Variants in PLA2G4C observed in about 807,000 individuals in gnomAD.
PLA2G4C encodes cytosolic phospholipase A2 gamma.
Under a neutral mutation model 73.8 loss-of-function variants are expected in PLA2G4C, and 64 were observed. The ratio of observed to expected loss-of-function variants is 0.87; its 90% CI spans 0.71 to 1.07. The LOEUF (loss-of-function observed/expected upper bound fraction) is 1.07, where lower values mean the gene tolerates loss of function less well. PLA2G4C is among the 50% of genes least tolerant of loss of function. The pLI, the probability that PLA2G4C is intolerant of heterozygous loss-of-function variation, is 0.00. For synonymous variants in PLA2G4C, 254 were observed against 252.1 expected (o/e 1.01, Z -0.07); for missense variants, 622 against 665.4 (o/e 0.93, Z 0.72).
chr19:48,047,977 G>A lies in PLA2G4C; in HGVS notation c.*366C>T, dbSNP rs1967585874. On this transcript the variant is annotated 3_prime_UTR_variant, in exon 17 of 17. Coordinates refer to ENST00000599921, the MANE Select transcript of PLA2G4C (RefSeq NM_003706.3). Reference sequence around the variant, plus strand: ...CAGAGCTAACTTGTGCAGAGCTACTGGCTAGAAGTGCAGTCATAAAGGAGC... The same window carrying A: ...CAGAGCTAACTTGTGCAGAGCTACTAGCTAGAAGTGCAGTCATAAAGGAGC... 1 of 267,248 alleles carries A rather than the reference G, an allele frequency of 3.7e-6. No homozygotes were observed. The highest frequency in any genetic ancestry group is 2.3e-5 in the African/African-American group (1 of 43,676). The allele number at this position is 267,248 out of a possible 1,614,324, so 16.6% of individuals were successfully genotyped here.
rs66641645 is a variant in PLA2G4C at position 48,082,496 on chromosome 19, C to CTTTTTTTTTT, written c.844+2553_844+2562dup. 1.0e-3 allele frequency among the ~76,000 whole-genome samples: 107 copies of CTTTTTTTTTT among 106,270 alleles called. 1 individual carries two copies. The highest frequency in any genetic ancestry group is 1.3e-3 in the Admixed American group (11 of 8,362). 69.7% of individuals were successfully genotyped at this position (106,270 alleles called of 152,430 possible). ...TTTTTTTCTTTTTCTTTCTTTCTTT[C>CTTTTTTTTTT]TTTTTTTTTTTTTTTTTTTTGAGAC... On this transcript the variant is annotated intron_variant, in intron 10 of 16. Coordinates refer to ENST00000599921, the MANE Select transcript of PLA2G4C (RefSeq NM_003706.3).
intron 16 of PLA2G4C, among the ~76,000 whole-genome samples, chr19:48,049,627 A>G (rs11564665): frequency 0.025 from 3,863 of 152,296 alleles, 142 homozygotes; most frequent in African/African-American, 0.088. Context: ...TCAATGAATG[A>G]AAGAATGAAC....
chr19:48,102,619 C>A (rs2031976218), intron 4 of PLA2G4C, among the ~76,000 whole-genome samples: 1 of 152,164 alleles, frequency 6.6e-6, no homozygotes, highest in African/African-American at 2.4e-5. Flanking sequence ...TCATTTAATT[C>A]TCAAACAGCC....
intron 9 of PLA2G4C, among the ~76,000 whole-genome samples, chr19:48,086,776 C>T (rs1483394928): frequency 6.6e-6 from 1 of 152,168 alleles, no homozygotes; most frequent in Non-Finnish European, 1.5e-5. Flanking sequence ...TCAGCTATCA[C>T]CACTGCATGC....
At position 48,090,370 on chromosome 19, in the gene PLA2G4C, T is replaced by C; in HGVS notation, c.757A>G (p.Ile253Val). The C allele has an allele frequency of 6.2e-7, 1 of 1,609,574 alleles. No individual in the cohort carries two copies. The highest frequency in any genetic ancestry group is 1.1e-5 in the South Asian group (1 of 90,978). Residue 253 changes from isoleucine to valine, a missense_variant, in exon 8 of 17, where the codon ATT becomes GTT. By Grantham distance (29) the Ile-to-Val change is conservative. Transcript: ENST00000599921. ...CTGTTCCCCAAATACTCACCAAAAA[T>C]GTATTCCCTAATGACTTCAGTGTTA... ...LGNTEVIREYIFDQLRNLTLK... is the reference protein window; with the variant it reads ...LGNTEVIREYVFDQLRNLTLK...
At chr19:48,054,267 G>A (rs991265457) in intron 15 of PLA2G4C, among the ~76,000 whole-genome samples, 10 of 152,156 alleles carry the variant, frequency 6.6e-5, no homozygotes, top group Admixed American at 3.9e-4. Flanking sequence ...TGCTGTTCTC[G>A]TGACAGTGAG....
At chr19:48,098,109 ACCTCTC>A in intron 6 of PLA2G4C, 24 bp downstream of exon 6, 1 of 1,603,124 alleles carries the variant, frequency 6.2e-7, no homozygotes, top group Non-Finnish European at 8.5e-7. Context: ...ATCCCTTACT[ACCTCTC>A]CCTCCCTCTA....
intron 14 of PLA2G4C, among the ~76,000 whole-genome samples, chr19:48,057,780 G>T (rs1270282409): frequency 2.0e-5 from 3 of 150,038 alleles, no homozygotes; most frequent in Non-Finnish European, 3.0e-5. Context: ...GTGAGCCACC[G>T]CACCCGGCTT....
rs775508782 is a variant in PLA2G4C at position 48,095,565 on chromosome 19, G to C, written c.608C>G (p.Ser203Cys). The C allele has an allele frequency of 3.5e-5, 56 of 1,613,994 alleles. No homozygotes were observed. The highest frequency in any genetic ancestry group is 4.7e-5 in the Non-Finnish European group (55 of 1,179,976). The change falls in exon 7 of 17, where the codon TCT (serine) becomes TGT (cysteine). Residue 203 changes from serine to cysteine, a missense_variant. Ser to Cys is a moderately radical substitution (Grantham distance 112). Coordinates refer to ENST00000599921, the MANE Select transcript of PLA2G4C (RefSeq NM_003706.3). ...FEFTPHHAGF[S>C]ALGAFVSITH... is the part of the protein sequence containing the mutation. The stretch of plus-strand genomic sequence containing the variant: ...TATGGAAACAAAGGCCCCCAGTGCA[G>C]AGAAGCCAGCGTGGTGAGGGGTGAA...
chr19:48,099,030 T>C (rs898392457), intron 5 of PLA2G4C, among the ~76,000 whole-genome samples: 1 of 151,854 alleles, frequency 6.6e-6, no homozygotes, highest in Non-Finnish European at 1.5e-5. Flanking sequence ...AACCCAGTAG[T>C]TGGAGGATTG....
intron 7 of PLA2G4C, among the ~76,000 whole-genome samples, chr19:48,092,066 A>C (rs2031336964): frequency 7.8e-6 from 1 of 128,160 alleles, no homozygotes; most frequent in Non-Finnish European, 1.7e-5. Flanking sequence ...CTCAAAAAAA[A>C]AATTTTTTTT....
In PLA2G4C at chr19:48,072,009, G is replaced by A. The variant is rs1968679047; in HGVS notation, c.1006+2758C>T. Among the ~76,000 whole-genome samples, 1 of 151,732 alleles carries A rather than the reference G, an allele frequency of 6.6e-6. No individual in the cohort carries two copies. Among genetic ancestry groups the A allele is most frequent in the Non-Finnish European group, 1.5e-5 (1 of 67,944 alleles). On this transcript the variant is annotated intron_variant, in intron 12 of 16. Coordinates refer to ENST00000599921, the MANE Select transcript of PLA2G4C (RefSeq NM_003706.3). This position sits in a 1 kb window ranked among gnomAD's most constrained non-coding sequence, Gnocchi z 4.4. ...AAAATTACAAAAATTAGCCGGGTGTGGTGGTGCATGCCTGTGGTCCCAGCT... is the reference window on the plus strand; with the variant it reads ...AAAATTACAAAAATTAGCCGGGTGTAGTGGTGCATGCCTGTGGTCCCAGCT...
chr19:48,103,265 G>C (rs1350847319), intron 4 of PLA2G4C, among the ~76,000 whole-genome samples: 2 of 152,098 alleles, frequency 1.3e-5, no homozygotes, highest in Non-Finnish European at 2.9e-5. Context: ...GTTCTGCAAT[G>C]TGCAGTACAG....
At chr19:48,101,126 A>ATATATATATATATTTTTTT (rs1491313107) in intron 4 of PLA2G4C, among the ~76,000 whole-genome samples, 1 of 74,154 alleles carries the variant, frequency 1.3e-5, no homozygotes, top group African/African-American at 6.4e-5. Context: ...ATATATATAT[A>ATATATATATATATTTTTTT]TTTTTTTTTT....
In PLA2G4C at chr19:48,110,796, G is replaced by A; in HGVS notation, c.-342C>T. ...CCTCCTCGGCTTGTAGGCCCTGCTT[G>A]GTTGCTCCAGCTTTTTCAGCTGTTC... On this transcript the variant is annotated 5_prime_UTR_variant, in exon 1 of 17. Transcript: ENST00000599921. 2.7e-6 allele frequency: 1 copy of A among 368,420 alleles called. No homozygotes were observed. Among genetic ancestry groups the A allele is most frequent in the Non-Finnish European group, 4.8e-6 (1 of 207,190 alleles). 22.8% of individuals were successfully genotyped at this position (368,420 alleles called of 1,614,324 possible). A position where few individuals can be genotyped will look rare whatever the true frequency, so the allele number is the denominator to read the frequency against.
At chr19:48,063,559 AC>A (rs1600169618) in intron 13 of PLA2G4C, among the ~76,000 whole-genome samples, 2 of 32,528 alleles carry the variant, frequency 6.1e-5, no homozygotes, top group East Asian at 3.7e-3. Context: ...CCTCCCCCCC[AC>A]CCCCATCCCT....
chr19:48,062,231 G>C, intron 13 of PLA2G4C, 79 bp from the exon 14 acceptor site: 1 of 1,259,010 alleles, frequency 7.9e-7, no homozygotes, highest in Non-Finnish European at 1.1e-6. Flanking sequence ...GCAGAGAGGG[G>C]GATGGGAAAA....
intron 1 of PLA2G4C, among the ~76,000 whole-genome samples, chr19:48,106,849 G>GTC (rs1219937926): frequency 3.3e-5 from 5 of 152,014 alleles, no homozygotes; most frequent in Non-Finnish European, 7.4e-5. Flanking sequence ...GTCTCTGTCT[G>GTC]TCTCTCTCTC....
chr19:48,100,710 C>A (rs1321361673), intron 4 of PLA2G4C, among the ~76,000 whole-genome samples: 1 of 149,722 alleles, frequency 6.7e-6, no homozygotes, highest in East Asian at 2.0e-4. Flanking sequence ...GAGATCGAGA[C>A]CATCCTGGCT....
Sources: allele counts gnomAD v4.1 joint callset (sites outside exome capture counted in the v4.1 genomes callset), GRCh38; gene constraint gnomAD v4.1.1; non-coding constraint Gnocchi (gnomAD v3.1); transcripts MANE v1.5; gene names NCBI Gene and HGNC (gene_info 2026-07-23, HGNC 2026-07-21).